Variants in ZNF385D observed in about 807,000 individuals in gnomAD.
ZNF385D encodes the protein zinc finger protein 659.
Under a neutral mutation model 35.8 loss-of-function variants are expected in ZNF385D, and 15 were observed. That is an observed-to-expected ratio of 0.42 (90% CI 0.28 to 0.64). The LOEUF is 0.64. ZNF385D is among the 30% of genes least tolerant of loss of function. The pLI, the probability that ZNF385D is intolerant of heterozygous loss-of-function variation, is 0.23. For missense variants in ZNF385D, 474 were observed against 494.6 expected (o/e 0.96, Z 0.39); for synonymous variants, 212 against 186.8 (o/e 1.13, Z -1.10).
chr3:22,293,391 CT>C (rs1243627584), intron 2 of ZNF385D, among the ~76,000 whole-genome samples: 7 of 152,056 alleles, frequency 4.6e-5, no homozygotes, highest in Non-Finnish European at 7.4e-5. Flanking sequence ...AATTATACAT[CT>C]TCTTTTTAAT....
chr3:22,042,529 T>C (rs1413105374), intron 3 of ZNF385D, among the ~76,000 whole-genome samples: 2 of 152,124 alleles, frequency 1.3e-5, no homozygotes, highest in South Asian at 2.1e-4. Context: ...GGTATTCACA[T>C]AATTCTTTTA....
intron 3 of ZNF385D, among the ~76,000 whole-genome samples, chr3:22,044,198 T>C (rs561716056): frequency 1.3e-5 from 2 of 152,016 alleles, no homozygotes; most frequent in South Asian, 2.1e-4. Flanking sequence ...TAAAGATGAA[T>C]TGGCACCAGT....
chr3:21,869,957 A>G (rs1198707445), intron 3 of ZNF385D, among the ~76,000 whole-genome samples: 1 of 152,138 alleles, frequency 6.6e-6, no homozygotes, highest in Non-Finnish European at 1.5e-5. Context: ...AAGGTTTTTT[A>G]AGTAGATAAA....
intron 4 of ZNF385D, among the ~76,000 whole-genome samples, chr3:21,459,794 G>C (rs1457364864): frequency 6.6e-6 from 1 of 152,154 alleles, no homozygotes; most frequent in Non-Finnish European, 1.5e-5. Context: ...TGGAATATTT[G>C]CTTCAAATTG....
intron 2 of ZNF385D, among the ~76,000 whole-genome samples, chr3:22,237,193 T>A (rs537033262): frequency 0.032 from 1,234 of 38,312 alleles, 8 homozygotes; most frequent in Non-Finnish European, 0.039. Flanking sequence ...ATAGTTAATA[T>A]CCTTTTTTTT....
intron 3 of ZNF385D, among the ~76,000 whole-genome samples, chr3:21,971,745 T>C (rs554139424): frequency 6.7e-6 from 1 of 150,284 alleles, no homozygotes; most frequent in South Asian, 2.1e-4. Context: ...AAGATACATA[T>C]AAACTGAAAA....
At position 21,980,384 on chromosome 3, in the gene ZNF385D, T is replaced by G. The variant is rs923230698; in HGVS notation, c.325+188433A>C. On this transcript the variant is annotated intron_variant, in intron 3 of 5. Coordinates refer to the ZNF385D transcript ENST00000494108. ...TTTGGTTGTTTTAAGCCACTAAATT[T>G]TGGGGAGATTTATTACATAAAAGTA... is the stretch of plus-strand genomic sequence containing the variant. 3.9e-5 allele frequency among the ~76,000 whole-genome samples: 6 copies of G among 152,142 alleles called. 1 individual carries two copies. In the South Asian group the frequency reaches 1.2e-3, roughly 31 times the overall value.
At chr3:22,036,149 A>T (rs1027309289) in intron 3 of ZNF385D, among the ~76,000 whole-genome samples, 4 of 152,200 alleles carry the variant, frequency 2.6e-5, no homozygotes, top group Non-Finnish European at 4.4e-5. Context: ...ATGTGGTTAT[A>T]ACAGTAGAAG....
chr3:21,649,088 C>A (rs964906948), intron 2 of ZNF385D, among the ~76,000 whole-genome samples: 2 of 152,134 alleles, frequency 1.3e-5, no homozygotes, highest in Admixed American at 1.3e-4. Flanking sequence ...GGTCTGTGGA[C>A]AGGCATTGTC....
chr3:22,008,514 TC>T (rs1228948713), intron 3 of ZNF385D, among the ~76,000 whole-genome samples: 15 of 151,894 alleles, frequency 9.9e-5, no homozygotes, highest in African/African-American at 3.6e-4. Flanking sequence ...CCGCCACCTC[TC>T]CCTGCTAATT....
chr3:21,866,172 G>T (rs1218971147), intron 3 of ZNF385D, among the ~76,000 whole-genome samples: 1 of 151,938 alleles, frequency 6.6e-6, no homozygotes, highest in Non-Finnish European at 1.5e-5. Context: ...AAAACACTGG[G>T]CTGGGCGCAG....
At chr3:22,058,595 G>C (rs749399084) in intron 3 of ZNF385D, among the ~76,000 whole-genome samples, 1 of 151,996 alleles carries the variant, frequency 6.6e-6, no homozygotes, top group Non-Finnish European at 1.5e-5. Flanking sequence ...AATAATTTCA[G>C]GATTATAAAC....
intron 3 of ZNF385D, among the ~76,000 whole-genome samples, chr3:21,762,569 T>C (rs895275765): frequency 3.3e-5 from 5 of 152,172 alleles, no homozygotes; most frequent in African/African-American, 7.2e-5. Flanking sequence ...AAAACCTCAT[T>C]TGGCAAAATT....
At chr3:22,000,485 G>A (rs1216593444) in intron 3 of ZNF385D, among the ~76,000 whole-genome samples, 1 of 152,146 alleles carries the variant, frequency 6.6e-6, no homozygotes, top group Non-Finnish European at 1.5e-5. Flanking sequence ...CTTGTTTAGT[G>A]TATCATCAAG....
intron 1 of ZNF385D, among the ~76,000 whole-genome samples, chr3:21,698,188 G>T (rs1217381053): frequency 1.3e-5 from 2 of 152,098 alleles, no homozygotes; most frequent in Admixed American, 6.5e-5. Flanking sequence ...CAAAGTCATG[G>T]AATTAACCTA....
intron 3 of ZNF385D, among the ~76,000 whole-genome samples, chr3:21,887,378 A>C (rs1698604313): frequency 6.6e-6 from 1 of 152,164 alleles, no homozygotes; most frequent in South Asian, 2.1e-4. Flanking sequence ...AAATTTATGA[A>C]ATGAAGGGAG....
chr3:21,657,272 A>C (rs1158905536), intron 2 of ZNF385D, among the ~76,000 whole-genome samples: 1 of 151,952 alleles, frequency 6.6e-6, no homozygotes, highest in Non-Finnish European at 1.5e-5. Context: ...AGAATGCGCT[A>C]CCTATTCAAA....
chr3:21,875,788 A>C (rs1355571006), intron 3 of ZNF385D, among the ~76,000 whole-genome samples: 1 of 151,572 alleles, frequency 6.6e-6, no homozygotes, highest in Non-Finnish European at 1.5e-5. Flanking sequence ...TGTGATCATC[A>C]TCATTCCAGC....
intron 3 of ZNF385D, among the ~76,000 whole-genome samples, chr3:22,076,929 C>T (rs906337764): frequency 1.3e-5 from 2 of 151,806 alleles, no homozygotes; most frequent in East Asian, 1.9e-4. Context: ...GAAAAAAACA[C>T]TCATCTACCT....
Sources: allele counts gnomAD v4.1 joint callset (sites outside exome capture counted in the v4.1 genomes callset), GRCh38; gene constraint gnomAD v4.1.1; transcripts MANE v1.5; gene names NCBI Gene and HGNC (gene_info 2026-07-23, HGNC 2026-07-21).